The following OPCML variants were observed in gnomAD, a reference collection of about 807,000 sequenced individuals.
OPCML encodes opioid binding protein/cell adhesion molecule like, also known as opioid-binding protein/cell adhesion molecule.
OPCML carries 13 observed loss-of-function variants against 37.8 expected under a neutral mutation model. The observed-to-expected ratio is 0.34, with a 90% CI of 0.22 to 0.55. OPCML has a LOEUF of 0.55. OPCML is among the 20% of genes least tolerant of loss of function. The pLI, the probability that OPCML is intolerant of heterozygous loss-of-function variation, is 0.91. For missense variants in OPCML, 341 were observed against 435.6 expected (o/e 0.78, Z 1.93); for synonymous variants, 176 against 168.8 (o/e 1.04, Z -0.33).
At chr11:133,147,745 G>A (rs1949917853) in intron 1 of OPCML, among the ~76,000 whole-genome samples, 1 of 152,138 alleles carries the variant, frequency 6.6e-6, no homozygotes, top group African/African-American at 2.4e-5. Context: ...GAGCAGACAG[G>A]TCCTGGTTGT....
At chr11:133,235,502 A>G (rs1421962825) in intron 1 of OPCML, among the ~76,000 whole-genome samples, 2 of 152,358 alleles carry the variant, frequency 1.3e-5, no homozygotes, top group African/African-American at 4.8e-5. Context: ...GGAATCAAAC[A>G]TATTCAACTC....
At chr11:132,882,940 A>G (rs188456320) in intron 2 of OPCML, among the ~76,000 whole-genome samples, 1 of 152,346 alleles carries the variant, frequency 6.6e-6, no homozygotes, top group African/African-American at 2.4e-5. Context: ...AAGCACTTGC[A>G]TTCATGAATT....
chr11:132,576,730 G>A (rs2096451811), intron 3 of OPCML, among the ~76,000 whole-genome samples: 1 of 151,934 alleles, frequency 6.6e-6, no homozygotes, highest in African/African-American at 2.4e-5. Context: ...ATTTATCCTG[G>A]TCTTCACTGA....
intron 1 of OPCML, among the ~76,000 whole-genome samples, chr11:133,388,215 C>T (rs1252177790): frequency 6.6e-6 from 1 of 152,190 alleles, no homozygotes. Context: ...TAACTATAAT[C>T]ATGATATGCT....
chr11:132,667,742 A>G (rs1942284717), intron 2 of OPCML, among the ~76,000 whole-genome samples: 1 of 152,206 alleles, frequency 6.6e-6, no homozygotes, highest in African/African-American at 2.4e-5. Flanking sequence ...GAAGAACAGA[A>G]GAAAGGGGAT....
intron 1 of OPCML, among the ~76,000 whole-genome samples, chr11:133,478,961 T>C (rs536595058): frequency 7.2e-5 from 11 of 152,334 alleles, no homozygotes; most frequent in Admixed American, 5.9e-4. Context: ...GTAGCATTTT[T>C]CTCTTGGGCA....
At chr11:133,402,250 TA>T (rs112390398) in intron 1 of OPCML, among the ~76,000 whole-genome samples, 18 of 147,152 alleles carry the variant, frequency 1.2e-4, no homozygotes, top group Non-Finnish European at 1.5e-4. Flanking sequence ...CCTGATTTTA[TA>T]AAAAAAAACC....
At chr11:133,043,787 C>T (rs1289588158) in intron 1 of OPCML, among the ~76,000 whole-genome samples, 3 of 152,186 alleles carry the variant, frequency 2.0e-5, no homozygotes, top group African/African-American at 2.4e-5. Flanking sequence ...CCAGACAAAT[C>T]GTTCATAGCA....
chr11:132,849,355 T>A (rs80028899), intron 2 of OPCML, among the ~76,000 whole-genome samples: 1 of 152,322 alleles, frequency 6.6e-6, no homozygotes, highest in African/African-American at 2.4e-5. Context: ...AGCCAACACA[T>A]GTTATTGAGG....
chr11:133,031,224 T>G (rs1947662703), intron 1 of OPCML, among the ~76,000 whole-genome samples: 1 of 152,050 alleles, frequency 6.6e-6, no homozygotes, highest in African/African-American at 2.4e-5. Context: ...GACAGATGGA[T>G]GCATTGATGG....
At chr11:132,697,571 T>C (rs1162137279) in intron 2 of OPCML, among the ~76,000 whole-genome samples, 1 of 152,204 alleles carries the variant, frequency 6.6e-6, no homozygotes, top group Non-Finnish European at 1.5e-5. Context: ...CTTGGAATAA[T>C]GCCCTCCAGG....
intron 1 of OPCML, among the ~76,000 whole-genome samples, chr11:132,963,788 C>CT (rs956721961): frequency 2.0e-5 from 3 of 151,864 alleles, no homozygotes; most frequent in East Asian, 3.9e-4. Flanking sequence ...GCTGGTCTTA[C>CT]TTTTTTTTAT....
chr11:132,562,431 T>A (rs902086166), intron 3 of OPCML, among the ~76,000 whole-genome samples: 3 of 152,072 alleles, frequency 2.0e-5, no homozygotes, highest in African/African-American at 7.2e-5. Flanking sequence ...GACATTTTTA[T>A]GACTAAGAGG....
chr11:132,907,243 G>C (rs1944274058), intron 2 of OPCML, among the ~76,000 whole-genome samples: 1 of 152,144 alleles, frequency 6.6e-6, no homozygotes. Flanking sequence ...AACGGTAAAA[G>C]CTGTTTTACG....
At chr11:132,939,260 T>C (rs891476033) in intron 2 of OPCML, among the ~76,000 whole-genome samples, 2 of 152,170 alleles carry the variant, frequency 1.3e-5, no homozygotes, top group East Asian at 3.8e-4. Flanking sequence ...AACTTTAGCT[T>C]TGGAAACTCT....
chr11:133,103,770 T>G (rs1287810958), intron 1 of OPCML, among the ~76,000 whole-genome samples: 1 of 152,222 alleles, frequency 6.6e-6, no homozygotes, highest in Non-Finnish European at 1.5e-5. Context: ...CAGGCTGGCA[T>G]TAAAGTAAGT....
At chr11:133,481,358 C>A (rs1947366468) in intron 1 of OPCML, among the ~76,000 whole-genome samples, 1 of 152,036 alleles carries the variant, frequency 6.6e-6, no homozygotes, top group Admixed American at 6.6e-5. Context: ...AATTACTGAT[C>A]AATGGCCACA....
chr11:132,729,001 C>T (rs755812804), intron 2 of OPCML, among the ~76,000 whole-genome samples: 3 of 151,516 alleles, frequency 2.0e-5, no homozygotes, highest in Non-Finnish European at 4.4e-5. Flanking sequence ...AGGAGAAGAA[C>T]GAGGAGGAGA....
chr11:132,821,918 G>A (rs577444599), intron 2 of OPCML, among the ~76,000 whole-genome samples: 1 of 152,280 alleles, frequency 6.6e-6, no homozygotes, highest in East Asian at 1.9e-4. Flanking sequence ...GCAGAGTAAA[G>A]GGAAGAAATT....
Sources: allele counts gnomAD v4.1 joint callset (sites outside exome capture counted in the v4.1 genomes callset), GRCh38; gene constraint gnomAD v4.1.1; transcripts MANE v1.5; gene names NCBI Gene and HGNC (gene_info 2026-07-23, HGNC 2026-07-21).